Variants in GPRIN3 observed in about 807,000 individuals in gnomAD.
The protein encoded by GPRIN3 is G protein-regulated inducer of neurite outgrowth 3.
A neutral mutation model predicts 13.7 loss-of-function variants in GPRIN3; 12 were observed. The observed-to-expected ratio is 0.87, with a 90% confidence interval of 0.56 to 1.42. GPRIN3 has a LOEUF of 1.42. Ranked by LOEUF, GPRIN3 falls within the 40% of genes most tolerant of loss-of-function variation. The pLI is 0.00. For missense variants in GPRIN3, 1,009 were observed against 958.7 expected (o/e 1.05, Z -0.69); for synonymous variants, 377 against 372.7 (o/e 1.01, Z -0.13).
intron 1 of GPRIN3, among the ~76,000 whole-genome samples, chr4:89,304,541 A>G (rs942643519): frequency 2.0e-5 from 3 of 152,198 alleles, no homozygotes; most frequent in African/African-American, 4.8e-5. Flanking sequence ...GCTAGTTTGA[A>G]AAGCACCATT....
chr4:89,297,032 A>G (rs529151015), intron 1 of GPRIN3, among the ~76,000 whole-genome samples: 14 of 152,330 alleles, frequency 9.2e-5, no homozygotes, highest in Non-Finnish European at 1.5e-4. Context: ...GCAGTGTAGC[A>G]TAGTGGTGAA....
chr4:89,272,657 G>C (rs760644520), intron 1 of GPRIN3, among the ~76,000 whole-genome samples: 14 of 151,992 alleles, frequency 9.2e-5, no homozygotes, highest in Non-Finnish European at 1.5e-4. Flanking sequence ...CTTTCTCTGT[G>C]AATCAGCTAC....
At chr4:89,300,294 C>A (rs1255992674) in intron 1 of GPRIN3, among the ~76,000 whole-genome samples, 3 of 152,064 alleles carry the variant, frequency 2.0e-5, no homozygotes, top group Non-Finnish European at 4.4e-5. Flanking sequence ...GGTAGTAACA[C>A]AACTAAGTGA....
At chr4:89,261,668 G>T (rs1723629870) in intron 1 of GPRIN3, among the ~76,000 whole-genome samples, 1 of 152,158 alleles carries the variant, frequency 6.6e-6, no homozygotes, top group Admixed American at 6.5e-5. Flanking sequence ...TGTGCTAATT[G>T]ATATATGCAC....
In GPRIN3 at chr4:89,248,044, C is replaced by A; in HGVS notation, c.2067G>T (p.Gln689His). Residue 689 changes from glutamine to histidine, a missense_variant, in exon 2 of 2, where the codon CAG becomes CAT. Transcript: ENST00000609438. Reference sequence around the variant, plus strand: ...CACCATACACTTCCCAGGTCATTCCCTGCTCATCCCACACGACGTCCCTGA... The same window carrying A: ...CACCATACACTTCCCAGGTCATTCCATGCTCATCCCACACGACGTCCCTGA... ...KRVRDVVWDE[Q>H]GMTWEVYGAS... 1 of 1,614,130 alleles carries A rather than the reference C, an allele frequency of 6.2e-7. No individual in the cohort carries two copies. Among genetic ancestry groups the A allele is most frequent in the Non-Finnish European group, 8.5e-7 (1 of 1,180,002 alleles).
chr4:89,261,301 TC>T (rs1378649391), intron 1 of GPRIN3, among the ~76,000 whole-genome samples: 4 of 152,134 alleles, frequency 2.6e-5, no homozygotes, highest in Non-Finnish European at 5.9e-5. Flanking sequence ...TGCCCCTACT[TC>T]CAGCTGTGAC....
At position 89,250,230 on chromosome 4, in the gene GPRIN3, C is replaced by T; in HGVS notation, c.-120G>A. ...GTCAGGGATGATTCCTCTGAAGAAC[C>T]AGCCTGTGAATCAAGGAAACAGCAT... On this transcript the variant is annotated 5_prime_UTR_variant, in exon 2 of 2. Coordinates refer to ENST00000609438, the MANE Select transcript of GPRIN3 (RefSeq NM_198281.3). 13 of 1,500,134 alleles carry T rather than the reference C, an allele frequency of 8.7e-6. No individual in the cohort carries two copies. The highest frequency in any genetic ancestry group is 1.2e-5 in the Non-Finnish European group (13 of 1,125,206). 92.9% of individuals were successfully genotyped at this position (1,500,134 alleles called of 1,614,324 possible). A position where few individuals can be genotyped will look rare whatever the true frequency, so the allele number is the denominator to read the frequency against.
In GPRIN3 at chr4:89,248,182, C is replaced by A. The variant is rs751826569; in HGVS notation, c.1929G>T (p.Lys643Asn). 2.0e-5 allele frequency: 32 copies of A among 1,614,040 alleles called. No homozygotes were observed. Among genetic ancestry groups the A allele is most frequent in the Non-Finnish European group, 2.5e-5 (30 of 1,180,022 alleles). Residue 643 changes from lysine to asparagine, a missense_variant, in exon 2 of 2, where the codon AAG becomes AAT. By Grantham distance (94) the Lys-to-Asn change is moderately conservative. Coordinates refer to ENST00000609438, the MANE Select transcript of GPRIN3 (RefSeq NM_198281.3). ...CTGCTGTCACATTTAACTTTTGCTCCTTGAGGAACTCGCTGACGCGGCTGG... is the reference window on the plus strand; with the variant it reads ...CTGCTGTCACATTTAACTTTTGCTCATTGAGGAACTCGCTGACGCGGCTGG... Reference protein sequence around the residue: ...RRPSRVSEFLKEQKLNVTAAA... With the variant: ...RRPSRVSEFLNEQKLNVTAAA...
chr4:89,257,972 C>G lies in GPRIN3; in HGVS notation c.-123-7739G>C, dbSNP rs527880324. On this transcript the variant is annotated intron_variant, in intron 1 of 1. Transcript: ENST00000609438. The stretch of plus-strand genomic sequence containing the variant: ...AACCCTCTAGAATCACATGCATGTA[C>G]GTGTACACACACATATTTGCAGATC... Among the ~76,000 whole-genome samples the G allele has an allele frequency of 3.2e-4, 49 of 152,020 alleles. 1 individual carries two copies. Among genetic ancestry groups the G allele is most frequent in the Middle Eastern group, 3.4e-3 (1 of 294 alleles).
chr4:89,304,701 T>C (rs1302682214), intron 1 of GPRIN3, among the ~76,000 whole-genome samples: 2 of 152,338 alleles, frequency 1.3e-5, no homozygotes, highest in African/African-American at 2.4e-5. Flanking sequence ...TACACTATCA[T>C]ATGTTTGCCT....
In GPRIN3 at chr4:89,249,145, C is replaced by T; in HGVS notation, c.966G>A (p.Val322=). ...TGCTCTCGACACTCGCCACTGCCTG[C>T]ACCTCCGCATCTTGCCAAGCCCTGC... The part of the protein sequence containing the change: ...VPSRAWQDAE[V]QAVASVESRS... Residue 322 remains valine (V), a synonymous_variant, in exon 2 of 2, where the codon GTG becomes GTA. Transcript: ENST00000609438. The T allele has an allele frequency of 1.2e-6, 2 of 1,614,218 alleles. No individual in the cohort carries two copies. Among genetic ancestry groups the T allele is most frequent in the Non-Finnish European group, 1.7e-6 (2 of 1,180,036 alleles).
At chr4:89,267,833 G>A (rs1442282985) in intron 1 of GPRIN3, among the ~76,000 whole-genome samples, 1 of 152,184 alleles carries the variant, frequency 6.6e-6, no homozygotes, top group Non-Finnish European at 1.5e-5. Context: ...AGGTGCAGAT[G>A]TTGGGGGAAT....
Position 89,246,864 on chromosome 4 carries a change from G to A in GPRIN3, c.*916C>T, listed in dbSNP as rs973947815. 6.6e-6 allele frequency: 1 copy of A among 152,154 alleles called. No individual in the cohort carries two copies. Among genetic ancestry groups the A allele is most frequent in the Non-Finnish European group, 1.5e-5 (1 of 68,026 alleles). 9.4% of individuals were successfully genotyped at this position (152,154 alleles called of 1,614,324 possible). Reference sequence around the variant, plus strand: ...TGGTAATCTGCTATTTATAGTTCCTGACCAGAACCTTAGCATTCTCAGTAG... The same window carrying A: ...TGGTAATCTGCTATTTATAGTTCCTAACCAGAACCTTAGCATTCTCAGTAG... On this transcript the variant is annotated 3_prime_UTR_variant, in exon 2 of 2. Transcript: ENST00000609438.
At chr4:89,298,843 A>G (rs1456097594) in intron 1 of GPRIN3, among the ~76,000 whole-genome samples, 2 of 152,072 alleles carry the variant, frequency 1.3e-5, no homozygotes, top group Admixed American at 1.3e-4. Context: ...TTTGCAAAGT[A>G]GAAGGAGCTG....
Position 89,247,565 on chromosome 4 carries a change from G to A in GPRIN3, c.*215C>T, listed in dbSNP as rs1314660887. Reference sequence around the variant, plus strand: ...AGGTTGCAAACCTTCAGTGAAGCTTGTTTCTCTTTTCTTGTTCCTTCTTTC... The same window carrying A: ...AGGTTGCAAACCTTCAGTGAAGCTTATTTCTCTTTTCTTGTTCCTTCTTTC... On this transcript the variant is annotated 3_prime_UTR_variant, in exon 2 of 2. Transcript: ENST00000609438. The A allele has an allele frequency of 8.2e-6, 4 of 487,348 alleles. No individual in the cohort carries two copies. In the Admixed American group the frequency reaches 1.5e-4, roughly 19 times the overall value. The allele number at this position is 487,348 out of a possible 1,614,324, so 30.2% of individuals were successfully genotyped here. A position where few individuals can be genotyped will look rare whatever the true frequency, so the allele number is the denominator to read the frequency against.
intron 1 of GPRIN3, among the ~76,000 whole-genome samples, chr4:89,252,988 G>A (rs1387548858): frequency 1.5e-5 from 2 of 131,436 alleles, no homozygotes; most frequent in Non-Finnish European, 3.2e-5. Flanking sequence ...AAGCCTTCAA[G>A]TTATGAAGTC....
chr4:89,303,489 A>G (rs1262544983), intron 1 of GPRIN3, among the ~76,000 whole-genome samples: 3 of 152,230 alleles, frequency 2.0e-5, no homozygotes, highest in Admixed American at 6.5e-5. Flanking sequence ...TTATGATGTT[A>G]TGGCCACTCT....
At chr4:89,270,582 TA>T (rs67950770) in intron 1 of GPRIN3, among the ~76,000 whole-genome samples, 24,546 of 125,122 alleles carry the variant, frequency 0.2, 2,903 homozygotes, top group African/African-American at 0.34. Flanking sequence ...TATATATATA[TA>T]TATATATATA....
At position 89,249,330 on chromosome 4, in the gene GPRIN3, T is replaced by G; in HGVS notation, c.781A>C (p.Thr261Pro). 1 of 1,614,108 alleles carries G rather than the reference T, an allele frequency of 6.2e-7. No homozygotes were observed. Among genetic ancestry groups the G allele is most frequent in the Non-Finnish European group, 8.5e-7 (1 of 1,180,008 alleles). ...SVTASGPQGTTSVTPQPTPLT... is the reference protein window; with the variant it reads ...SVTASGPQGTPSVTPQPTPLT... ...GGGGTTGGTTGAGGTGTCACAGAAGTTGTGCCTTGGGGGCCCGAGGCAGTG... is the reference window on the plus strand; with the variant it reads ...GGGGTTGGTTGAGGTGTCACAGAAGGTGTGCCTTGGGGGCCCGAGGCAGTG... The change falls in exon 2 of 2, where the codon ACT becomes CCT. Residue 261 changes from threonine (T) to proline (P), a missense_variant. Transcript: ENST00000609438.
Sources: gnomAD v4.1 joint callset for allele counts (sites outside exome capture counted in the v4.1 genomes callset) on GRCh38, gnomAD v4.1.1 for gene constraint, MANE v1.5 for transcripts, NCBI Gene and HGNC (gene_info 2026-07-23, HGNC 2026-07-21) for gene names.